Variants in SIL1 observed in about 807,000 individuals in gnomAD.
The protein encoded by SIL1 is nucleotide exchange factor SIL1.
SIL1 carries 40 observed loss-of-function variants against 49.1 expected under a neutral mutation model. The observed-to-expected ratio is 0.81, with a 90% CI of 0.63 to 1.06. The LOEUF is 1.06. Ranked by LOEUF, SIL1 falls within the 50% of genes least tolerant of loss-of-function variation. The pLI is 0.00. For missense variants in SIL1, 500 were observed against 572.6 expected (o/e 0.87, Z 1.29); for synonymous variants, 253 against 250.8 (o/e 1.01, Z -0.08).
chr5:138,988,024 G>T (rs923949869), intron 7 of SIL1, among the ~76,000 whole-genome samples: 1 of 152,128 alleles, frequency 6.6e-6, no homozygotes, highest in East Asian at 1.9e-4. Context: ...GTAGAGACAG[G>T]GTTTCACCAT....
At chr5:139,036,692 A>G (rs1768918494) in intron 5 of SIL1, among the ~76,000 whole-genome samples, 1 of 152,128 alleles carries the variant, frequency 6.6e-6, no homozygotes, top group East Asian at 1.9e-4. Context: ...ACTGGGGCCT[A>G]TTGGGTGGAG....
At chr5:138,997,234 A>G (rs1366609187) in intron 7 of SIL1, among the ~76,000 whole-genome samples, 1 of 152,132 alleles carries the variant, frequency 6.6e-6, no homozygotes, top group Admixed American at 6.5e-5. Flanking sequence ...CTGGTTTCCA[A>G]TGTTTATTCT....
At chr5:138,985,397 C>T (rs1280616355) in intron 7 of SIL1, among the ~76,000 whole-genome samples, 3 of 152,166 alleles carry the variant, frequency 2.0e-5, no homozygotes, top group Non-Finnish European at 4.4e-5. Context: ...CAGGCTGACT[C>T]CTGTGTAAAT....
chr5:139,143,656 G>A (rs1266269200), intron 1 of SIL1, among the ~76,000 whole-genome samples: 4 of 152,070 alleles, frequency 2.6e-5, no homozygotes, highest in Non-Finnish European at 5.9e-5. Context: ...ACGGGCATAA[G>A]CCACCACGCC....
chr5:139,049,225 T>G (rs1235792068), intron 4 of SIL1, among the ~76,000 whole-genome samples: 1 of 152,152 alleles, frequency 6.6e-6, no homozygotes, highest in Non-Finnish European at 1.5e-5. Flanking sequence ...CAGGCTGGAG[T>G]GCTGTGGCAA....
intron 3 of SIL1, among the ~76,000 whole-genome samples, chr5:139,111,610 G>T (rs941256225): frequency 2.6e-5 from 4 of 152,282 alleles, no homozygotes; most frequent in African/African-American, 9.6e-5. Context: ...CTGGCATCAA[G>T]CACTATACTT....
intron 6 of SIL1, among the ~76,000 whole-genome samples, chr5:139,021,549 C>T (rs1317434631): frequency 6.6e-6 from 1 of 152,150 alleles, no homozygotes; most frequent in Non-Finnish European, 1.5e-5. Flanking sequence ...ATTGCTTATG[C>T]CAAACATGTC....
chr5:139,146,823 T>A (rs916868621), intron 1 of SIL1, among the ~76,000 whole-genome samples: 1 of 152,192 alleles, frequency 6.6e-6, no homozygotes, highest in Admixed American at 6.5e-5. Context: ...ACCCGTGAAT[T>A]CTTGGGTAAG....
At chr5:139,191,035 C>T (rs1002831009) in intron 1 of SIL1, among the ~76,000 whole-genome samples, 1 of 151,886 alleles carries the variant, frequency 6.6e-6, no homozygotes, top group Non-Finnish European at 1.5e-5. Flanking sequence ...AGTTCAAGAC[C>T]AGCCTGGCCA....
chr5:139,104,693 G>C (rs1294392885), intron 3 of SIL1, among the ~76,000 whole-genome samples: 1 of 152,158 alleles, frequency 6.6e-6, no homozygotes, highest in Non-Finnish European at 1.5e-5. Context: ...CCAGATCCTT[G>C]AGTGGGTTAG....
At chr5:139,116,393 A>G (rs1463346632) in intron 3 of SIL1, among the ~76,000 whole-genome samples, 1 of 152,048 alleles carries the variant, frequency 6.6e-6, no homozygotes, top group African/African-American at 2.4e-5. Flanking sequence ...CTTTGTGCTA[A>G]TGCCAATATT....
chr5:138,973,696 C>T (rs967272657), intron 7 of SIL1, among the ~76,000 whole-genome samples: 3 of 151,946 alleles, frequency 2.0e-5, no homozygotes, highest in African/African-American at 4.8e-5. Flanking sequence ...GTGATCTTCC[C>T]GCCTCCCAGA....
intron 7 of SIL1, among the ~76,000 whole-genome samples, chr5:138,982,496 A>G (rs1393718898): frequency 6.6e-6 from 1 of 152,248 alleles, no homozygotes; most frequent in Non-Finnish European, 1.5e-5. Context: ...GTTAATAACA[A>G]CAACAACTGG....
intron 5 of SIL1, among the ~76,000 whole-genome samples, chr5:139,037,613 C>T (rs993812426): frequency 7.9e-5 from 12 of 152,088 alleles, no homozygotes; most frequent in Admixed American, 2.0e-4. Flanking sequence ...TTTTCTCTGT[C>T]ATCTCTGTTC....
chr5:139,078,196 C>T (rs544548048), intron 3 of SIL1, among the ~76,000 whole-genome samples: 22 of 152,260 alleles, frequency 1.4e-4, no homozygotes, highest in African/African-American at 5.3e-4. Context: ...GTAATCCCAG[C>T]ACTTCGGGTT....
intron 7 of SIL1, chr5:138,953,245 T>G (rs1375845899): frequency 6.6e-6 from 1 of 152,056 alleles, no homozygotes; most frequent in African/African-American, 2.4e-5. Flanking sequence ...TCCTTGAGAG[T>G]GAGCCAGGGT....
rs1464263076 is a variant in SIL1, at chr5:139,121,027, C to T, written c.244+8G>A. 2 of 1,613,754 alleles carry T rather than the reference C, an allele frequency of 1.2e-6. No individual in the cohort carries two copies. Among genetic ancestry groups the T allele is most frequent in the East Asian group, 2.2e-5 (1 of 44,890 alleles). On this transcript the variant is annotated splice_region_variant and intron_variant, in intron 3 of 9. Transcript: ENST00000394817. ...TGTGTTTTGTGGGGACAGGGCTGGG[C>T]CTGATACCTGGCTGAAGGGCCTGCC...
At chr5:139,013,006 T>C (rs1377786329) in intron 7 of SIL1, among the ~76,000 whole-genome samples, 1 of 152,232 alleles carries the variant, frequency 6.6e-6, no homozygotes, top group Non-Finnish European at 1.5e-5. Context: ...CTGATATTCA[T>C]CTTAAATATC....
At chr5:139,042,457 A>C (rs1363648554) in intron 5 of SIL1, among the ~76,000 whole-genome samples, 163 bp downstream of exon 5, 1 of 152,076 alleles carries the variant, frequency 6.6e-6, no homozygotes, top group Admixed American at 6.5e-5. Context: ...TTTTTTTAAT[A>C]GTCTAAAAGG....
Sources: gnomAD v4.1 joint callset for allele counts (sites outside exome capture counted in the v4.1 genomes callset) on GRCh38, gnomAD v4.1.1 for gene constraint, MANE v1.5 for transcripts, NCBI Gene and HGNC (gene_info 2026-07-23, HGNC 2026-07-21) for gene names.